Variants in EEIG1 observed in about 807,000 individuals in gnomAD.
EEIG1 encodes the protein early estrogen-induced gene 1 protein.
the EEIG1 span, chr9:127,953,546 C>T: frequency 6.2e-7 from 1 of 1,611,336 alleles, no homozygotes; most frequent in South Asian, 1.1e-5. Context: ...CCATTCCATC[C>T]CACTGCCCCT....
chr9:127,958,472 C>G, the EEIG1 span, among the ~76,000 whole-genome samples: 741 of 152,092 alleles, frequency 4.9e-3, 4 homozygotes, highest in African/African-American at 0.016. Flanking sequence ...TGAGACCAAC[C>G]TGGGCAACAC....
the EEIG1 span, chr9:127,953,906 A>G: frequency 1.2e-6 from 2 of 1,613,910 alleles, no homozygotes; most frequent in East Asian, 2.2e-5. Flanking sequence ...CACCGCACAC[A>G]GTTCTCCTGT....
the EEIG1 span, among the ~76,000 whole-genome samples, chr9:127,963,241 A>G: frequency 6.6e-6 from 1 of 152,222 alleles, no homozygotes; most frequent in Non-Finnish European, 1.5e-5. Flanking sequence ...AGCAAAAGGG[A>G]TCTGAACCCT....
At chr9:127,963,350 G>T in the EEIG1 span, among the ~76,000 whole-genome samples, 1 of 152,266 alleles carries the variant, frequency 6.6e-6, no homozygotes, top group African/African-American at 2.4e-5. Flanking sequence ...GCCCGCCTGG[G>T]AAGAGACAGT....
At chr9:127,944,465 G>A in the EEIG1 span, 2 of 650,220 alleles carry the variant, frequency 3.1e-6, no homozygotes, top group Non-Finnish European at 5.5e-6. Context: ...CTGACAGATG[G>A]GGAAAGGGAG....
the EEIG1 span, chr9:127,945,710 C>A: frequency 6.3e-7 from 1 of 1,589,122 alleles, no homozygotes; most frequent in East Asian, 2.3e-5. The surrounding 1 kb of genome is among the most constrained non-coding windows in gnomAD (Gnocchi z 6.5). Context: ...AGTGGAACAC[C>A]TCCTCAGGGC....
chr9:127,958,274 A>C, the EEIG1 span, among the ~76,000 whole-genome samples: 1 of 152,222 alleles, frequency 6.6e-6, no homozygotes, highest in Non-Finnish European at 1.5e-5. Context: ...ATATGGGTAA[A>C]TCTTCATGAC....
chr9:127,966,718 C>G, the EEIG1 span, among the ~76,000 whole-genome samples: 1 of 152,232 alleles, frequency 6.6e-6, no homozygotes, highest in Non-Finnish European at 1.5e-5. Context: ...GGCAAAGATG[C>G]CCCTGGCACC....
At chr9:127,956,536 G>A in the EEIG1 span, among the ~76,000 whole-genome samples, 3 of 151,476 alleles carry the variant, frequency 2.0e-5, no homozygotes, top group Non-Finnish European at 4.4e-5. Flanking sequence ...TCAGCCTCCT[G>A]AGTAGCTGGG....
the EEIG1 span, among the ~76,000 whole-genome samples, chr9:127,974,363 C>A: frequency 6.6e-6 from 1 of 152,224 alleles, no homozygotes; most frequent in Non-Finnish European, 1.5e-5. Context: ...ATTACCCTAA[C>A]TTACTCCATC....
At chr9:127,941,720 G>A in the EEIG1 span, 1 of 152,196 alleles carries the variant, frequency 6.6e-6, no homozygotes. Flanking sequence ...CTCCCAGAGA[G>A]AGAAGCCCCC....
At chr9:127,944,253 C>T in the EEIG1 span, 1 of 366,024 alleles carries the variant, frequency 2.7e-6, no homozygotes, top group African/African-American at 2.1e-5. Context: ...GAGGCATCAC[C>T]ACCACCATTC....
chr9:127,940,671 C>G, the EEIG1 span: 1 of 152,116 alleles, frequency 6.6e-6, no homozygotes, highest in African/African-American at 2.4e-5. Context: ...TTTTCTACAA[C>G]AGAAGCTGGG....
At chr9:127,956,438 T>G in the EEIG1 span, among the ~76,000 whole-genome samples, 1 of 152,192 alleles carries the variant, frequency 6.6e-6, no homozygotes, top group Non-Finnish European at 1.5e-5. Flanking sequence ...GAGATGGAGT[T>G]TCGCTCTCGT....
chr9:127,972,999 G>C, the EEIG1 span, among the ~76,000 whole-genome samples: 414 of 152,214 alleles, frequency 2.7e-3, 1 homozygote, highest in Admixed American at 7.5e-3. The surrounding 1 kb of genome is among the most constrained non-coding windows in gnomAD (Gnocchi z 4.3). Flanking sequence ...ACTTGCCAGG[G>C]AGGTGGATAA....
chr9:127,950,546 G>GGTGAGAGGAGCGT, the EEIG1 span: 1 of 1,613,532 alleles, frequency 6.2e-7, no homozygotes, highest in Non-Finnish European at 8.5e-7. Flanking sequence ...CCAGCTAGGA[G>GGTGAGAGGAGCGT]GTGAGAGGAG....
chr9:127,962,481 C>T, the EEIG1 span, among the ~76,000 whole-genome samples: 5 of 152,114 alleles, frequency 3.3e-5, no homozygotes, highest in African/African-American at 1.2e-4. Context: ...TGCAGAACGA[C>T]CCCACCCCAG....
chr9:127,958,296 C>G, the EEIG1 span, among the ~76,000 whole-genome samples: 1 of 152,088 alleles, frequency 6.6e-6, no homozygotes, highest in Non-Finnish European at 1.5e-5. Flanking sequence ...TTGGATTAGG[C>G]AACTATTTCC....
At chr9:127,950,024 T>A in the EEIG1 span, among the ~76,000 whole-genome samples, 1 of 152,240 alleles carries the variant, frequency 6.6e-6, no homozygotes. Flanking sequence ...GCTCTGTCTG[T>A]GACTTCAGGC....
Sources: allele counts gnomAD v4.1 joint callset (sites outside exome capture counted in the v4.1 genomes callset), GRCh38; gene constraint gnomAD v4.1.1; non-coding constraint Gnocchi (gnomAD v3.1); transcripts MANE v1.5; gene names NCBI Gene and HGNC (gene_info 2026-07-23, HGNC 2026-07-21).